The following SLC22A3 variants were observed in gnomAD, a reference collection of about 807,000 sequenced individuals.
SLC22A3 encodes the protein EMT organic cation transporter 3.
SLC22A3 carries 51 observed loss-of-function variants against 59.1 expected under a neutral mutation model. The ratio of observed to expected loss-of-function variants is 0.86; its 90% CI spans 0.69 to 1.09. The LOEUF is 1.09. Among genes scored for constraint, SLC22A3 ranks in the 50% least tolerant of loss-of-function variants. The pLI, the probability that SLC22A3 is intolerant of heterozygous loss-of-function variation, is 0.00. For missense variants in SLC22A3, 711 were observed against 726.3 expected (o/e 0.98, Z 0.24); for synonymous variants, 325 against 292.0 (o/e 1.11, Z -1.15).
intron 1 of SLC22A3, among the ~76,000 whole-genome samples, chr6:160,357,838 T>C (rs887906941): frequency 3.9e-5 from 6 of 152,202 alleles, no homozygotes; most frequent in Admixed American, 1.3e-4. Flanking sequence ...TGTAAGAAAG[T>C]GTTCCAGGAA....
intron 1 of SLC22A3, among the ~76,000 whole-genome samples, chr6:160,382,174 G>A (rs1785823757): frequency 6.6e-6 from 1 of 152,124 alleles, no homozygotes; most frequent in Non-Finnish European, 1.5e-5. Context: ...TATTAACTGA[G>A]TACATTTCCT....
At chr6:160,381,783 G>A (rs1785806518) in intron 1 of SLC22A3, among the ~76,000 whole-genome samples, 1 of 152,158 alleles carries the variant, frequency 6.6e-6, no homozygotes, top group Non-Finnish European at 1.5e-5. Flanking sequence ...AGGGTGATGT[G>A]TTGGGGTTGG....
chr6:160,363,851 G>A (rs925572719), intron 1 of SLC22A3, among the ~76,000 whole-genome samples: 2 of 151,666 alleles, frequency 1.3e-5, no homozygotes, highest in African/African-American at 2.4e-5. Flanking sequence ...TCAGCATGCC[G>A]GCCCCACTTT....
chr6:160,439,469 T>C (rs941934749), intron 7 of SLC22A3, among the ~76,000 whole-genome samples: 2 of 152,196 alleles, frequency 1.3e-5, no homozygotes, highest in Non-Finnish European at 2.9e-5. Flanking sequence ...CCTAGATTGA[T>C]TGGGATGACT....
chr6:160,438,105 A>G (rs573393220), intron 7 of SLC22A3, among the ~76,000 whole-genome samples: 3 of 152,234 alleles, frequency 2.0e-5, no homozygotes, highest in African/African-American at 7.2e-5. Context: ...TCAGACCTAG[A>G]TGAGAGAGGG....
intron 1 of SLC22A3, among the ~76,000 whole-genome samples, chr6:160,368,484 C>T (rs143791266): frequency 3.3e-5 from 5 of 152,236 alleles, no homozygotes; most frequent in African/African-American, 7.2e-5. Flanking sequence ...CACCTGTCCA[C>T]GCTTAAACCT....
At chr6:160,414,743 G>A (rs1787399326) in intron 5 of SLC22A3, among the ~76,000 whole-genome samples, 1 of 152,148 alleles carries the variant, frequency 6.6e-6, no homozygotes, top group South Asian at 2.1e-4. Context: ...ACTATCATGA[G>A]AACAACATGA....
At position 160,451,675 on chromosome 6, in the gene SLC22A3, A is replaced by T. The variant is rs180800333; in HGVS notation, c.*619A>T. On this transcript the variant is annotated 3_prime_UTR_variant, in exon 11 of 11. Transcript: ENST00000275300. Reference sequence around the variant, plus strand: ...GTCCCTCCCGTCCACCTCCTCTGTAACAGCTGGGGTTCCAGGCATGGTTTA... The same window carrying T: ...GTCCCTCCCGTCCACCTCCTCTGTATCAGCTGGGGTTCCAGGCATGGTTTA... The T allele has an allele frequency of 1.6e-4, 24 of 153,256 alleles. No homozygotes were observed. Among genetic ancestry groups the T allele is most frequent in the Non-Finnish European group, 2.2e-4 (15 of 68,718 alleles). The allele number at this position is 153,256 out of a possible 1,614,324, so 9.5% of individuals were successfully genotyped here.
intron 2 of SLC22A3, among the ~76,000 whole-genome samples, chr6:160,399,444 T>A (rs1482020580): frequency 6.6e-6 from 1 of 152,190 alleles, no homozygotes; most frequent in Non-Finnish European, 1.5e-5. Context: ...AATAACCATA[T>A]CTCCAAACTA....
rs558658724 is a variant in SLC22A3, at chr6:160,356,006, C to T, written c.429+7158C>T. ...CCGGCGCTCTGCCCTCCTAGCCTAA[C>T]GCAGTGTTTGGCAAATATTTGTGAT... On this transcript the variant is annotated intron_variant, in intron 1 of 10. Coordinates refer to ENST00000275300, the MANE Select transcript of SLC22A3 (RefSeq NM_021977.4). 3.3e-5 allele frequency among the ~76,000 whole-genome samples: 5 copies of T among 152,242 alleles called. No homozygotes were observed. In the South Asian group the frequency reaches 6.2e-4, roughly 19 times the overall value.
chr6:160,407,818 C>T (rs1248559620), intron 3 of SLC22A3, among the ~76,000 whole-genome samples: 3 of 152,132 alleles, frequency 2.0e-5, no homozygotes, highest in Non-Finnish European at 4.4e-5. Context: ...TAGCTTGGGA[C>T]CAGCCACTTA....
intron 5 of SLC22A3, among the ~76,000 whole-genome samples, chr6:160,419,939 T>A (rs1787659141): frequency 6.6e-6 from 1 of 152,242 alleles, no homozygotes; most frequent in African/African-American, 2.4e-5. Context: ...TGGATTTGTT[T>A]ACTTTCCATG....
chr6:160,443,535 A>C (rs1583518842), intron 8 of SLC22A3, 95 bp from the exon 9 acceptor site: 1 of 831,690 alleles, frequency 1.2e-6, no homozygotes, highest in East Asian at 2.6e-5. Flanking sequence ...GTATCTTCAC[A>C]CTTCCTTTGG....
intron 7 of SLC22A3, among the ~76,000 whole-genome samples, chr6:160,440,775 T>C (rs1788510618): frequency 6.6e-6 from 1 of 152,214 alleles, no homozygotes; most frequent in Non-Finnish European, 1.5e-5. Flanking sequence ...ACAAAATCTC[T>C]GTTCCAGTAT....
chr6:160,449,137 G>T (rs778107217), intron 10 of SLC22A3, among the ~76,000 whole-genome samples: 2 of 152,144 alleles, frequency 1.3e-5, no homozygotes, highest in Non-Finnish European at 2.9e-5. Flanking sequence ...AAAAATGGAA[G>T]AAAAGGGAGT....
At chr6:160,439,569 T>G (rs1788472923) in intron 7 of SLC22A3, among the ~76,000 whole-genome samples, 2 of 152,212 alleles carry the variant, frequency 1.3e-5, no homozygotes, top group African/African-American at 4.8e-5. Context: ...GATAGTCATA[T>G]AACTATTTTG....
chr6:160,414,866 T>G (rs1361146855), intron 5 of SLC22A3, among the ~76,000 whole-genome samples: 1 of 152,182 alleles, frequency 6.6e-6, no homozygotes, highest in Non-Finnish European at 1.5e-5. Flanking sequence ...AGCCAAACCA[T>G]GTTAACAGTT....
chr6:160,355,773 AAAC>A (rs572407293), intron 1 of SLC22A3, among the ~76,000 whole-genome samples: 48 of 151,294 alleles, frequency 3.2e-4, no homozygotes, highest in Admixed American at 3.3e-4. Context: ...CTCTGTCTCA[AAAC>A]AACAACAACA....
At chr6:160,389,591 TCTC>T (rs779080969) in intron 1 of SLC22A3, among the ~76,000 whole-genome samples, 1 of 152,150 alleles carries the variant, frequency 6.6e-6, no homozygotes, top group Non-Finnish European at 1.5e-5. Context: ...GTGACACGTC[TCTC>T]CTCCTAGCCC....
Sources: gnomAD v4.1 joint callset for allele counts (sites outside exome capture counted in the v4.1 genomes callset) on GRCh38, gnomAD v4.1.1 for gene constraint, MANE v1.5 for transcripts, NCBI Gene and HGNC (gene_info 2026-07-23, HGNC 2026-07-21) for gene names.